ST14: variants seen among roughly 807,000 people sequenced by gnomAD.
The protein encoded by ST14 is suppressor of tumorigenicity 14 protein.
Under a neutral mutation model 96.5 loss-of-function variants are expected in ST14, and 40 were observed. That is an observed-to-expected ratio of 0.41 (90% CI 0.32 to 0.54). ST14 has a LOEUF of 0.54. Among genes scored for constraint, ST14 ranks in the 20% least tolerant of loss-of-function variants. ST14 has a pLI of 0.17. For synonymous variants in ST14, 506 were observed against 492.1 expected, an observed-to-expected ratio of 1.03 and a Z score of -0.37; for missense variants, 1,066 against 1,188.9, an observed-to-expected ratio of 0.90 and a Z score of 1.52.
chr11:130,190,965 C>T (rs891606269), intron 7 of ST14, among the ~76,000 whole-genome samples: 2 of 152,170 alleles, frequency 1.3e-5, no homozygotes, highest in African/African-American at 2.4e-5. Flanking sequence ...CCTGAACCGC[C>T]GGAGAGAAGG....
rs201796684 is a variant in ST14, at chr11:130,209,476, C to T, written c.2304C>T (p.Ile768=). The T allele has an allele frequency of 2.9e-4, 454 of 1,586,350 alleles. No individual in the cohort carries two copies. Among genetic ancestry groups the T allele is most frequent in the Admixed American group, 1.4e-3 (77 of 55,950 alleles). Reference sequence around the variant, plus strand: ...CGCTGATCCTGCAAAAGGGTGAGATCCGCGTCATCAACCAGACCACCTGCG... The same window carrying T: ...CGCTGATCCTGCAAAAGGGTGAGATTCGCGTCATCAACCAGACCACCTGCG... ...TGALILQKGE[I]RVINQTTCEN... is the part of the protein sequence containing the mutation. The change falls in exon 18 of 19, where the codon ATC becomes ATT. Residue 768 remains isoleucine (I), a synonymous_variant. Transcript: ENST00000278742.
intron 8 of ST14, 44 bp downstream of exon 8, chr11:130,194,332 A>G (rs201207036): frequency 2.5e-6 from 4 of 1,612,598 alleles, no homozygotes; most frequent in Non-Finnish European, 3.4e-6. Flanking sequence ...CGGGCCACAG[A>G]GAAGGGGAAG....
chr11:130,196,546 C>T, intron 10 of ST14, 24 bp from the exon 11 acceptor site: 1 of 1,508,794 alleles, frequency 6.6e-7, no homozygotes, highest in Non-Finnish European at 9.0e-7. Flanking sequence ...TCCCTCCTCA[C>T]CTTGTGCCCC....
rs1953537704 is a variant in ST14 at position 130,210,131 on chromosome 11, C to T, written c.*308C>T. 1.7e-5 allele frequency: 6 copies of T among 347,594 alleles called. No homozygotes were observed. Among genetic ancestry groups the T allele is most frequent in the South Asian group, 3.6e-5 (1 of 27,920 alleles). The allele number at this position is 347,594 out of a possible 1,614,324, so 21.5% of individuals were successfully genotyped here. A position where few individuals can be genotyped will look rare whatever the true frequency, so the allele number is the denominator to read the frequency against. ...CCGAGGCGCGTTTGTGCATATCTGC[C>T]TCCCCTGTCTCTAAGGAGCAGCGGG... On this transcript the variant is annotated 3_prime_UTR_variant, in exon 19 of 19. Transcript: ENST00000278742.
Position 130,160,024 on chromosome 11 carries a change from C to G in ST14, c.45C>G (p.Asp15Glu). 7.0e-7 allele frequency: 1 copy of G among 1,431,834 alleles called. No homozygotes were observed. Among genetic ancestry groups the G allele is most frequent in the African/African-American group, 1.5e-5 (1 of 67,434 alleles). 88.7% of individuals were successfully genotyped at this position (1,431,834 alleles called of 1,614,324 possible). The change falls in exon 1 of 19, where the codon GAC becomes GAG. Residue 15 changes from aspartate (D) to glutamate (E), a missense_variant. By Grantham distance (45) the Asp-to-Glu change is conservative. Coordinates refer to ENST00000278742, the MANE Select transcript of ST14 (RefSeq NM_021978.4). ...RARKGGGGPKDFGAGLKYNSR... is the reference protein window; with the variant it reads ...RARKGGGGPKEFGAGLKYNSR... ...GCAAGGGCGGAGGGGGCCCGAAGGA[C>G]TTCGGCGCGGGACTCAAGTACAACT...
chr11:130,188,046 C>T lies in ST14; in HGVS notation c.82-68C>T. ...GCTGGACCTCACAAAATGTGAACAT[C>T]TTCCCCAGCGGGGTGCAGGGGAAGA... On this transcript the variant is annotated intron_variant, in intron 1 of 18. Transcript: ENST00000278742. This position sits in a 1 kb window ranked among gnomAD's most constrained non-coding sequence, Gnocchi z 5.4. 1 of 1,590,852 alleles carries T rather than the reference C, an allele frequency of 6.3e-7. No individual in the cohort carries two copies. The highest frequency in any genetic ancestry group is 8.6e-7 in the Non-Finnish European group (1 of 1,168,248).
intron 16 of ST14, among the ~76,000 whole-genome samples, chr11:130,206,631 G>A (rs963337774): frequency 7.8e-5 from 10 of 127,654 alleles, no homozygotes; most frequent in Non-Finnish European, 1.4e-4. Context: ...TCAGTGGTGC[G>A]ATCTTGGCTC....
Position 130,178,354 on chromosome 11 carries a change from T to G in ST14, c.82-9760T>G, listed in dbSNP as rs375087031. ...ACGAATGACAGCAAAATGGTGTCAG[T>G]GAAGAGGGCATCTTGAGGTGCCGAA... On this transcript the variant is annotated intron_variant, in intron 1 of 18. Transcript: ENST00000278742. Among the ~76,000 whole-genome samples the G allele has an allele frequency of 5.5e-5, 5 of 91,586 alleles. No homozygotes were observed. The African/African-American group carries it at 1.2e-3, about 22-fold the overall frequency. The allele number at this position is 91,586 out of a possible 152,430, so 60.1% of individuals were successfully genotyped here. A position where few individuals can be genotyped will look rare whatever the true frequency, so the allele number is the denominator to read the frequency against.
intron 16 of ST14, among the ~76,000 whole-genome samples, chr11:130,204,772 C>T (rs1320863599): frequency 1.3e-5 from 2 of 152,054 alleles, no homozygotes; most frequent in Admixed American, 1.3e-4. Context: ...CAAGATCATG[C>T]CACTACACTC....
chr11:130,166,195 T>G (rs1320590679), intron 1 of ST14, among the ~76,000 whole-genome samples: 1 of 152,102 alleles, frequency 6.6e-6, no homozygotes, highest in Non-Finnish European at 1.5e-5. Context: ...ATGGCGGAAG[T>G]TTTAAAATGA....
intron 9 of ST14, 106 bp from the exon 10 acceptor site, chr11:130,196,233 G>T (rs1170767202): frequency 1.2e-6 from 1 of 825,906 alleles, no homozygotes; most frequent in South Asian, 1.4e-5. Flanking sequence ...GGTGATGGAA[G>T]GCATACCATC....
At chr11:130,164,214 A>G (rs1953024205) in intron 1 of ST14, among the ~76,000 whole-genome samples, 1 of 152,124 alleles carries the variant, frequency 6.6e-6, no homozygotes, top group Non-Finnish European at 1.5e-5. Flanking sequence ...TGATTACTGG[A>G]GTGTCTAGAA....
intron 1 of ST14, among the ~76,000 whole-genome samples, chr11:130,172,381 C>T (rs1953100195): frequency 6.6e-6 from 1 of 150,838 alleles, no homozygotes; most frequent in African/African-American, 2.4e-5. Context: ...GCTGGGATTC[C>T]AGGCATGAGC....
At chr11:130,171,892 T>C (rs946987847) in intron 1 of ST14, among the ~76,000 whole-genome samples, 1 of 151,916 alleles carries the variant, frequency 6.6e-6, no homozygotes, top group Non-Finnish European at 1.5e-5. Context: ...GGAAAAAGGG[T>C]TAATGAACCA....
intron 1 of ST14, among the ~76,000 whole-genome samples, chr11:130,176,899 A>G (rs919348687): frequency 1.5e-5 from 2 of 134,310 alleles, no homozygotes; most frequent in African/African-American, 5.7e-5. Context: ...CCTGGGTTCT[A>G]GTGATTCTCC....
chr11:130,196,009 A>T (rs1032723877), intron 9 of ST14, among the ~76,000 whole-genome samples: 3 of 151,418 alleles, frequency 2.0e-5, no homozygotes, highest in Non-Finnish European at 4.4e-5. Context: ...ATACAAAAAA[A>T]ATTATCTGGG....
chr11:130,207,442 T>G (rs1451112848), intron 16 of ST14, among the ~76,000 whole-genome samples: 1 of 152,206 alleles, frequency 6.6e-6, no homozygotes, highest in Non-Finnish European at 1.5e-5. Context: ...TCCCAGCTAC[T>G]CGGGAGGCTG....
chr11:130,195,659 C>T (rs1339286536), intron 9 of ST14, among the ~76,000 whole-genome samples: 1 of 152,060 alleles, frequency 6.6e-6, no homozygotes, highest in Non-Finnish European at 1.5e-5. Flanking sequence ...TCGAGACCAG[C>T]CTGGGCAACA....
chr11:130,193,985 A>G (rs567797183), intron 7 of ST14, among the ~76,000 whole-genome samples, 164 bp from the exon 8 acceptor site: 1 of 152,070 alleles, frequency 6.6e-6, no homozygotes, highest in African/African-American at 2.4e-5. Context: ...TGGGGGAGGG[A>G]CTTACTTGAA....
Sources: gnomAD v4.1 joint callset for allele counts (sites outside exome capture counted in the v4.1 genomes callset) on GRCh38, gnomAD v4.1.1 for gene constraint, Gnocchi (gnomAD v3.1) non-coding constraint, MANE v1.5 for transcripts, NCBI Gene and HGNC (gene_info 2026-07-23, HGNC 2026-07-21) for gene names.